DNAJC13: variants seen among roughly 807,000 people sequenced by gnomAD.
DNAJC13 encodes the protein DnaJ heat shock protein family (Hsp40) member C13, also known as dnaJ homolog subfamily C member 13.
A neutral mutation model predicts 290.5 loss-of-function variants in DNAJC13; 75 were observed. The ratio of observed to expected loss-of-function variants is 0.26; its 90% CI spans 0.21 to 0.31. The LOEUF is 0.31. Ranked by LOEUF, DNAJC13 falls within the 10% of genes least tolerant of loss-of-function variation. The probability of loss-of-function intolerance (pLI) is 1.00; values close to 1 mark genes in which losing one functional copy is unlikely to be tolerated. For missense variants in DNAJC13, 2,260 were observed against 2,674.5 expected (o/e 0.85, Z 3.42); for synonymous variants, 862 against 892.0 (o/e 0.97, Z 0.60).
chr3:132,520,113 C>T (rs1936044049), intron 48 of DNAJC13, among the ~76,000 whole-genome samples: 1 of 151,992 alleles, frequency 6.6e-6, no homozygotes, highest in Non-Finnish European at 1.5e-5. Context: ...TTCAAGATGA[C>T]ATTTGGGTGG....
chr3:132,434,364 C>T (rs1359545939), intron 1 of DNAJC13, among the ~76,000 whole-genome samples, 174 bp from the exon 2 acceptor site: 2 of 148,376 alleles, frequency 1.3e-5, no homozygotes, highest in African/African-American at 5.0e-5. Context: ...CCAGCCTGGG[C>T]GACAGAGCGA....
chr3:132,468,129 T>C (rs569152467), intron 20 of DNAJC13, among the ~76,000 whole-genome samples: 57 of 152,340 alleles, frequency 3.7e-4, no homozygotes, highest in African/African-American at 1.3e-3. Context: ...TTAGTCTCAT[T>C]CTTCAGCATG....
intron 5 of DNAJC13, 147 bp downstream of exon 5, chr3:132,448,086 G>A (rs751513409): frequency 1.8e-4 from 101 of 570,512 alleles, no homozygotes; most frequent in Non-Finnish European, 2.6e-4. Context: ...ATCATGTTAT[G>A]TAGTTTAACA....
rs1936685096 is a variant in DNAJC13, at chr3:132,539,016, CTG to C, written c.*735_*736del. ...AAATTTTAAAAATAAAGGGAATTGA[CTG>C]CTTTGTTAATGAGATATATTTGTTC... On this transcript the variant is annotated 3_prime_UTR_variant, in exon 56 of 56. Coordinates refer to ENST00000260818, the MANE Select transcript of DNAJC13 (RefSeq NM_015268.4). 6.6e-6 allele frequency: 1 copy of C among 152,548 alleles called. No homozygotes were observed. Among genetic ancestry groups the C allele is most frequent in the Non-Finnish European group, 1.5e-5 (1 of 68,006 alleles). 9.4% of individuals were successfully genotyped at this position (152,548 alleles called of 1,614,324 possible).
chr3:132,432,102 T>C (rs1213962948), intron 1 of DNAJC13, among the ~76,000 whole-genome samples: 2 of 152,234 alleles, frequency 1.3e-5, no homozygotes, highest in Non-Finnish European at 2.9e-5. Flanking sequence ...GTATTCACAG[T>C]ATAAAAAGAT....
At chr3:132,441,490 CT>C (rs1307543501) in intron 2 of DNAJC13, among the ~76,000 whole-genome samples, 1 of 152,162 alleles carries the variant, frequency 6.6e-6, no homozygotes, top group African/African-American at 2.4e-5. Flanking sequence ...CTCTGTTTGG[CT>C]TCTTTGAAGC....
rs559115687 is a variant in DNAJC13, at chr3:132,435,728, A to G, written c.68+1110A>G. On this transcript the variant is annotated intron_variant, in intron 2 of 55. Transcript: ENST00000260818. ...CATTTTAGTTCTTTGAATCAACCTT[A>G]GAAAAGTATATCTTTAAATAATCCT... 3.9e-5 allele frequency among the ~76,000 whole-genome samples: 6 copies of G among 152,310 alleles called. No homozygotes were observed. In the South Asian group the frequency reaches 1.2e-3, roughly 32 times the overall value.
At chr3:132,482,373 C>T (rs1392003195) in intron 27 of DNAJC13, 43 bp downstream of exon 27, 2 of 1,484,352 alleles carry the variant, frequency 1.3e-6, no homozygotes, top group African/African-American at 2.8e-5. Context: ...CTCAGCATTT[C>T]TTATGCCCTC....
In DNAJC13 at chr3:132,477,972, A is replaced by T. The variant is rs2369796; in HGVS notation, c.2550-9A>T. The T allele has an allele frequency of 0.48, 745,766 of 1,551,476 alleles. 170,597 individuals carry two copies. Among genetic ancestry groups the T allele is most frequent in the African/African-American group, 0.87 (60,979 of 70,092 alleles). Reference sequence around the variant, plus strand: ...ATTTCTATTGTGAACTTTTTTTTTTAAAATCTAGGTATGAATTTTTCAATG... The same window carrying T: ...ATTTCTATTGTGAACTTTTTTTTTTTAAATCTAGGTATGAATTTTTCAATG... On this transcript the variant is annotated splice_polypyrimidine_tract_variant and intron_variant, in intron 23 of 55. Coordinates refer to ENST00000260818, the MANE Select transcript of DNAJC13 (RefSeq NM_015268.4).
intron 1 of DNAJC13, among the ~76,000 whole-genome samples, chr3:132,427,801 T>C (rs921757447): frequency 1.3e-5 from 2 of 151,732 alleles, no homozygotes; most frequent in Non-Finnish European, 2.9e-5. Context: ...ATAACTTCTT[T>C]TTTTGGGTTA....
At chr3:132,529,951 G>A (rs150480760) in intron 54 of DNAJC13, among the ~76,000 whole-genome samples, 2 of 152,240 alleles carry the variant, frequency 1.3e-5, no homozygotes, top group African/African-American at 2.4e-5. Flanking sequence ...GCTCTCCTGC[G>A]TACCACTTGC....
chr3:132,458,745 C>T (rs1159469654), intron 13 of DNAJC13, among the ~76,000 whole-genome samples: 2 of 152,150 alleles, frequency 1.3e-5, no homozygotes, highest in Non-Finnish European at 2.9e-5. Flanking sequence ...AATATACACA[C>T]CTACTATGTA....
intron 30 of DNAJC13, 40 bp from the exon 31 acceptor site, chr3:132,488,936 C>G: frequency 1.3e-6 from 2 of 1,492,532 alleles, no homozygotes; most frequent in Non-Finnish European, 1.9e-6. Context: ...AAAACTAAAT[C>G]GGTTTCTATA....
At position 132,466,047 on chromosome 3, in the gene DNAJC13, A is replaced by T. The variant is rs747167172; in HGVS notation, c.1945A>T (p.Thr649Ser). ...GLWTADNATA[T>S]NLLKRILPPG... is the part of the protein sequence containing the mutation. ...CTGGACAGCTGATAATGCAACTGCA[A>T]CAAACTTGTTGAAACGCATTTTGGT... The change falls in exon 18 of 56, where the codon ACA becomes TCA. Residue 649 changes from threonine to serine, a missense_variant. Thr to Ser is a moderately conservative substitution (Grantham distance 58). Coordinates refer to ENST00000260818, the MANE Select transcript of DNAJC13 (RefSeq NM_015268.4). The T allele has an allele frequency of 6.2e-7, 1 of 1,613,940 alleles. No individual in the cohort carries two copies. The highest frequency in any genetic ancestry group is 1.7e-5 in the Admixed American group (1 of 60,008).
intron 13 of DNAJC13, chr3:132,457,719 T>TTGA (rs1933659686): frequency 6.0e-6 from 1 of 165,674 alleles, no homozygotes; most frequent in Non-Finnish European, 1.3e-5. Flanking sequence ...CACCCAGTCT[T>TTGA]TCTGGAAGAT....
rs1934571797 is a variant in DNAJC13, at chr3:132,479,096, T to C, written c.2710-131T>C. ...AATTGCAATAATTGACAGATTTCTA[T>C]GATTTTTCTCCTTAATGTTTATAAA... is the stretch of plus-strand genomic sequence containing the variant. On this transcript the variant is annotated intron_variant, in intron 24 of 55. Coordinates refer to ENST00000260818, the MANE Select transcript of DNAJC13 (RefSeq NM_015268.4). 2.4e-5 allele frequency: 13 copies of C among 536,658 alleles called. 1 individual carries two copies. In the South Asian group the frequency reaches 3.7e-4, roughly 15 times the overall value. 33.2% of individuals were successfully genotyped at this position (536,658 alleles called of 1,614,324 possible). A position where few individuals can be genotyped will look rare whatever the true frequency, so the allele number is the denominator to read the frequency against.
At chr3:132,442,568 T>C (rs1161490453) in intron 2 of DNAJC13, among the ~76,000 whole-genome samples, 1 of 152,172 alleles carries the variant, frequency 6.6e-6, no homozygotes, top group Non-Finnish European at 1.5e-5. Context: ...TCTTTTTCTT[T>C]GTCACCAATT....
At position 132,490,982 on chromosome 3, in the gene DNAJC13, C is replaced by G; in HGVS notation, c.3554C>G (p.Pro1185Arg). The G allele has an allele frequency of 6.2e-7, 1 of 1,612,780 alleles. No homozygotes were observed. The highest frequency in any genetic ancestry group is 8.5e-7 in the Non-Finnish European group (1 of 1,179,424). The change falls in exon 32 of 56, where the codon CCT becomes CGT. Residue 1185 changes from proline to arginine, a missense_variant. Physicochemically the swap from Pro to Arg is moderately radical, Grantham distance 103. This residue lies in a region of DNAJC13 where 1,494 missense variants were observed against 1,693.7 expected (regional missense o/e 0.88). Transcript: ENST00000260818. ...AMVCYLENYE[P>R]EKFSEIFLGE... Reference sequence around the variant, plus strand: ...GTTTGTTACTTAGAAAATTATGAACCTGAAAAGTTTTCTGAGATTTTTCTA... The same window carrying G: ...GTTTGTTACTTAGAAAATTATGAACGTGAAAAGTTTTCTGAGATTTTTCTA...
chr3:132,482,046 T>C (rs1219282295), intron 26 of DNAJC13, among the ~76,000 whole-genome samples, 180 bp from the exon 27 acceptor site: 1 of 152,224 alleles, frequency 6.6e-6, no homozygotes, highest in Non-Finnish European at 1.5e-5. Context: ...TTTTTTGGAC[T>C]GTTAGGTTAG....
Sources: allele counts gnomAD v4.1 joint callset (sites outside exome capture counted in the v4.1 genomes callset), GRCh38; gene constraint gnomAD v4.1.1; regional missense constraint gnomAD v4.1.1; transcripts MANE v1.5; gene names NCBI Gene and HGNC (gene_info 2026-07-23, HGNC 2026-07-21).